The following ACSL6 variants were observed in gnomAD, a reference collection of about 807,000 sequenced individuals.
The protein encoded by ACSL6 is long-chain-fatty-acid--CoA ligase 6.
ACSL6 carries 47 observed loss-of-function variants against 98.2 expected under a neutral mutation model. The observed-to-expected ratio is 0.48, with a 90% confidence interval of 0.38 to 0.61. The LOEUF is 0.61. Among genes scored for constraint, ACSL6 ranks in the 20% least tolerant of loss-of-function variants. The probability of loss-of-function intolerance (pLI) is 0.00; values close to 1 mark genes in which losing one functional copy is unlikely to be tolerated. For synonymous variants in ACSL6, 362 were observed against 336.9 expected, an observed-to-expected ratio of 1.07 and a Z score of -0.82; for missense variants, 761 against 913.4, an observed-to-expected ratio of 0.83 and a Z score of 2.15.
At chr5:131,997,255 G>A (rs961488884) in intron 1 of ACSL6, among the ~76,000 whole-genome samples, 1 of 152,200 alleles carries the variant, frequency 6.6e-6, no homozygotes, top group African/African-American at 2.4e-5. Flanking sequence ...ACAGCTGCAG[G>A]TACTCCCTCT....
intron 8 of ACSL6, 114 bp from the exon 9 acceptor site, chr5:131,985,572 A>G: frequency 8.9e-7 from 1 of 1,126,068 alleles, no homozygotes; most frequent in East Asian, 2.5e-5. Context: ...TGTGGGTGTG[A>G]GCATGTGTTG....
At chr5:131,988,496 T>G in intron 6 of ACSL6, 4,986 of 1,512,046 alleles carry the variant, frequency 3.3e-3, no homozygotes, top group Non-Finnish European at 4.2e-3. Context: ...CAGGTCTGTT[T>G]GAGATATTTA....
rs1183880502 is a variant in ACSL6 at position 131,972,812 on chromosome 5, A to G, written c.1250T>C (p.Phe417Ser). The change falls in exon 13 of 21, where the codon TTT (phenylalanine) becomes TCT (serine). Residue 417 changes from phenylalanine to serine, a missense_variant. Coordinates refer to ENST00000651883, the MANE Select transcript of ACSL6 (RefSeq NM_001009185.3). Reference protein sequence around the residue: ...NTPLKRWLLEFAAKRKQAEVR... With the variant: ...NTPLKRWLLESAAKRKQAEVR... ...CTCGGCTTGCTTACGCTTTGCTGCA[A>G]ACTCCAGGAGCCAGCGCTTTAATGG... 4 of 1,614,098 alleles carry G rather than the reference A, an allele frequency of 2.5e-6. No homozygotes were observed. The African/African-American group carries it at 5.3e-5, about 22-fold the overall frequency.
rs1752154650 is a variant in ACSL6, at chr5:131,951,498, C to T, written c.*2736G>A. On this transcript the variant is annotated 3_prime_UTR_variant, in exon 21 of 21. Coordinates refer to ENST00000651883, the MANE Select transcript of ACSL6 (RefSeq NM_001009185.3). ...CATCTGAACTAACCCATTTATTGGCCCAAGTGTGATGATTTCCACATAGAC... is the reference window on the plus strand; with the variant it reads ...CATCTGAACTAACCCATTTATTGGCTCAAGTGTGATGATTTCCACATAGAC... 5.0e-6 allele frequency: 1 copy of T among 202,014 alleles called. No homozygotes were observed. The highest frequency in any genetic ancestry group is 1.9e-4 in the South Asian group (1 of 5,266). 12.5% of individuals were successfully genotyped at this position (202,014 alleles called of 1,614,324 possible). A position where few individuals can be genotyped will look rare whatever the true frequency, so the allele number is the denominator to read the frequency against.
intron 14 of ACSL6, 129 bp downstream of exon 14, chr5:131,971,421 G>A (rs1753300565): frequency 1.3e-5 from 9 of 714,644 alleles, no homozygotes; most frequent in Non-Finnish European, 1.8e-5. Flanking sequence ...TTCCTCCTCA[G>A]AGGAGGGAGC....
At chr5:131,959,696 C>A in intron 19 of ACSL6, 89 bp from the exon 20 acceptor site, 1 of 1,270,268 alleles carries the variant, frequency 7.9e-7, no homozygotes. Flanking sequence ...TAAAGTACAA[C>A]TGATGATTGT....
At chr5:131,971,763 G>T in intron 13 of ACSL6, 118 bp from the exon 14 acceptor site, 1 of 776,008 alleles carries the variant, frequency 1.3e-6, no homozygotes. Context: ...GCTAGGGCTG[G>T]GATCAGAAAG....
At chr5:131,977,762 G>A (rs569328225) in intron 9 of ACSL6, among the ~76,000 whole-genome samples, 9 of 152,094 alleles carry the variant, frequency 5.9e-5, no homozygotes, top group Non-Finnish European at 1.0e-4. Context: ...GCAATAAAAG[G>A]GCTGAGAGAG....
chr5:132,011,868 G>C (rs1455569182), upstream of ACSL6: 5 of 1,523,422 alleles, frequency 3.3e-6, no homozygotes, highest in Non-Finnish European at 4.4e-6. The surrounding 1 kb of genome is among the most constrained non-coding windows in gnomAD (Gnocchi z 5.4). Context: ...GGGCCCGGCC[G>C]CAGAGCGAAC....
At chr5:131,958,771 T>A (rs1752552148) in intron 20 of ACSL6, among the ~76,000 whole-genome samples, 2 of 152,132 alleles carry the variant, frequency 1.3e-5, no homozygotes, top group African/African-American at 2.4e-5. Flanking sequence ...AATTTAAAGA[T>A]TCTTGTCAAA....
chr5:131,976,564 G>C, intron 10 of ACSL6, 84 bp downstream of exon 10: 1 of 1,203,442 alleles, frequency 8.3e-7, no homozygotes, highest in Non-Finnish European at 1.2e-6. Flanking sequence ...AAAAGAAAAA[G>C]AAAACAAACA....
chr5:131,998,551 C>T (rs114542440), intron 1 of ACSL6, among the ~76,000 whole-genome samples: 1,840 of 152,250 alleles, frequency 0.012, 31 homozygotes, highest in African/African-American at 0.038. Flanking sequence ...CCCCAGAGCA[C>T]AGTCACTGTG....
Position 131,977,421 on chromosome 5 carries a change from A to G in ACSL6, c.917-700T>C, listed in dbSNP as rs142629780. On this transcript the variant is annotated intron_variant, in intron 9 of 20. Transcript: ENST00000651883. ...GGGAAGGGAGGACAACTTGGCCACC[A>G]TTTCCTGTCAGGGTAGATACAATCC... Among the ~76,000 whole-genome samples the G allele has an allele frequency of 3.7e-3, 569 of 152,254 alleles. 3 individuals are homozygous for G. The highest frequency in any genetic ancestry group is 0.013 in the African/African-American group (539 of 41,538).
At chr5:131,992,121 A>G (rs1754557625) in intron 2 of ACSL6, among the ~76,000 whole-genome samples, 1 of 152,118 alleles carries the variant, frequency 6.6e-6, no homozygotes, top group African/African-American at 2.4e-5. Flanking sequence ...CAGAGTGAGG[A>G]GGAGGGAATA....
At chr5:132,003,086 C>A (rs915701041) in intron 1 of ACSL6, among the ~76,000 whole-genome samples, 3 of 152,240 alleles carry the variant, frequency 2.0e-5, no homozygotes, top group Non-Finnish European at 2.9e-5. Flanking sequence ...AGAAAGTGAG[C>A]AAGACAAAAA....
chr5:131,954,832 C>T (rs186189023), intron 20 of ACSL6, among the ~76,000 whole-genome samples: 10 of 152,072 alleles, frequency 6.6e-5, no homozygotes, highest in Non-Finnish European at 8.8e-5. Context: ...AACCAGCAAA[C>T]GGGGAAAAGT....
chr5:131,989,398 G>C lies in ACSL6; in HGVS notation c.552+9C>G. 6.2e-7 allele frequency: 1 copy of C among 1,613,272 alleles called. No homozygotes were observed. Among genetic ancestry groups the C allele is most frequent in the Non-Finnish European group, 8.5e-7 (1 of 1,179,392 alleles). On this transcript the variant is annotated intron_variant, in intron 5 of 20. Coordinates refer to ENST00000651883, the MANE Select transcript of ACSL6 (RefSeq NM_001009185.3). ...AATCCCTCTAAAACCAGTCAAGGTA[G>C]ATGCTCACCTCTGGCCGATTTTGTG...
chr5:131,972,681 G>A lies in ACSL6; in HGVS notation c.1338+43C>T, dbSNP rs1378199235. ...AGTTCTCCTGCAAGGTCACCCGTTG[G>A]ATACTTAGGTGTCACTCTATAATCA... On this transcript the variant is annotated intron_variant, in intron 13 of 20. Transcript: ENST00000651883. 1.9e-6 allele frequency: 3 copies of A among 1,608,096 alleles called. No homozygotes were observed. In the South Asian group the frequency reaches 3.3e-5, roughly 18 times the overall value.
At chr5:132,007,064 T>C (rs1352111458) in intron 1 of ACSL6, 4 of 152,054 alleles carry the variant, frequency 2.6e-5, no homozygotes, top group Admixed American at 6.5e-5. Context: ...TAAACTCTTA[T>C]GTACCCTGTG....
Sources: allele counts gnomAD v4.1 joint callset (sites outside exome capture counted in the v4.1 genomes callset), GRCh38; gene constraint gnomAD v4.1.1; non-coding constraint Gnocchi (gnomAD v3.1); transcripts MANE v1.5; gene names NCBI Gene and HGNC (gene_info 2026-07-23, HGNC 2026-07-21).